Variants in ZNF469 observed in about 807,000 individuals in gnomAD.
ZNF469 encodes the protein zinc finger protein 469.
ZNF469 carries 1 observed loss-of-function variant against 1.0 expected under a neutral mutation model. The observed-to-expected ratio is 1.00, with a 90% CI of 0.35 to 4.73. The LOEUF (loss-of-function observed/expected upper bound fraction) is 4.73. Among genes scored for constraint, ZNF469 ranks in the 30% most tolerant of loss-of-function variants. ZNF469 has a pLI of 0.16. For synonymous variants in ZNF469, 2,703 were observed against 2,363.4 expected (o/e 1.14, Z -4.17); for missense variants, 6,100 against 5,356.3 (o/e 1.14, Z -4.33).
At chr16:88,239,662 TTTTTG>T in the ZNF469 span, among the ~76,000 whole-genome samples, 262 of 95,304 alleles carry the variant, frequency 2.7e-3, 3 homozygotes, top group African/African-American at 9.7e-3. Context: ...TTATTTTTTT[TTTTTG>T]TATATATATA....
rs1476031705 is a variant in ZNF469 at position 88,433,830 on chromosome 16, C to T, written c.6360C>T (p.Ala2120=). 7.1e-6 allele frequency: 11 copies of T among 1,549,752 alleles called. No individual in the cohort carries two copies. The highest frequency in any genetic ancestry group is 1.4e-5 in the African/African-American group (1 of 73,036). The change falls in exon 3 of 3, where the codon GCC becomes GCT. Residue 2120 remains alanine (A), a synonymous_variant. Transcript: ENST00000565624. ...LAACAPSPTS[A]AHMPCSLGPL... ...CCTGCGCCCCCTCACCCACTTCAGCCGCCCACATGCCCTGCAGCCTTGGGC... is the reference window on the plus strand; with the variant it reads ...CCTGCGCCCCCTCACCCACTTCAGCTGCCCACATGCCCTGCAGCCTTGGGC...
At chr16:88,397,635 G>GATT (rs1567500441) in intron 1 of ZNF469, among the ~76,000 whole-genome samples, 2,703 of 88,224 alleles carry the variant, frequency 0.031, 35 homozygotes, top group African/African-American at 0.048. Flanking sequence ...ATGGATGGAT[G>GATT]GATGGATGGA....
intron 1 of ZNF469, among the ~76,000 whole-genome samples, chr16:88,391,927 A>G (rs1291928630): frequency 6.6e-6 from 1 of 152,248 alleles, no homozygotes; most frequent in Non-Finnish European, 1.5e-5. Context: ...AATAAAGTAT[A>G]ATGTAATCTA....
the ZNF469 span, among the ~76,000 whole-genome samples, chr16:88,332,550 G>C: frequency 1.1e-4 from 17 of 152,380 alleles, no homozygotes; most frequent in Admixed American, 8.5e-4. Flanking sequence ...TGACTTGCAG[G>C]TTTGGGCCAT....
At chr16:88,310,440 G>A in the ZNF469 span, among the ~76,000 whole-genome samples, 2 of 152,078 alleles carry the variant, frequency 1.3e-5, no homozygotes, top group Non-Finnish European at 2.9e-5. Flanking sequence ...ACAGCCCTGC[G>A]TGCTGCCCCT....
At chr16:88,188,411 G>T in the ZNF469 span, among the ~76,000 whole-genome samples, 1 of 152,222 alleles carries the variant, frequency 6.6e-6, no homozygotes, top group African/African-American at 2.4e-5. Context: ...ACTGCTGCCT[G>T]GAGGGTTCTG....
the ZNF469 span, among the ~76,000 whole-genome samples, chr16:88,352,115 C>T: frequency 1.3e-5 from 2 of 152,182 alleles, no homozygotes; most frequent in African/African-American, 2.4e-5. Context: ...GTGCGAGGGG[C>T]TGGGGGCGGG....
chr16:88,144,485 C>T, the ZNF469 span, among the ~76,000 whole-genome samples: 3 of 152,206 alleles, frequency 2.0e-5, no homozygotes, highest in Non-Finnish European at 4.4e-5. Context: ...CCAGCCACCC[C>T]AGCCCGTGAC....
Position 88,429,432 on chromosome 16 carries a change from C to T in ZNF469, c.1962C>T (p.Pro654=), listed in dbSNP as rs999240777. The T allele has an allele frequency of 2.6e-6, 4 of 1,542,666 alleles. No homozygotes were observed. The highest frequency in any genetic ancestry group is 2.7e-5 in the African/African-American group (2 of 72,886). Residue 654 remains proline, a synonymous_variant, in exon 3 of 3, where the codon CCC becomes CCT. Coordinates refer to ENST00000565624, the MANE Select transcript of ZNF469 (RefSeq NM_001367624.2). ...TGSPFPSPEP[P]HSLPTHYQPE... ...GCCCCTTCCCGTCCCCGGAGCCCCC[C>T]CACTCCCTCCCCACCCACTACCAGC...
chr16:88,430,400 G>T lies in ZNF469; in HGVS notation c.2930G>T (p.Gly977Val). ...TCGGGCGGCGGCGGCAGAGCCTCCG[G>T]CCTGAGGCCCCGGAGGAACGACGGT... ...SGSGGGGRAS[G>V]LRPRRNDGLG... Residue 977 changes from glycine to valine, a missense_variant, in exon 3 of 3, where the codon GGC becomes GTC. Physicochemically the swap from Gly to Val is moderately radical, Grantham distance 109. Coordinates refer to ENST00000565624, the MANE Select transcript of ZNF469 (RefSeq NM_001367624.2). 2.6e-6 allele frequency: 4 copies of T among 1,520,734 alleles called. No homozygotes were observed. The highest frequency in any genetic ancestry group is 2.6e-6 in the Non-Finnish European group (3 of 1,138,412). 94.2% of individuals were successfully genotyped at this position (1,520,734 alleles called of 1,614,324 possible).
At chr16:88,354,006 G>A in the ZNF469 span, among the ~76,000 whole-genome samples, 19,942 of 152,192 alleles carry the variant, frequency 0.13, 1,867 homozygotes, top group African/African-American at 0.26. Flanking sequence ...CTACCTGCTC[G>A]TGGCTGCCCC....
At chr16:88,231,733 TG>T in the ZNF469 span, among the ~76,000 whole-genome samples, 3 of 152,064 alleles carry the variant, frequency 2.0e-5, no homozygotes, top group Non-Finnish European at 2.9e-5. The surrounding 1 kb of genome is among the most constrained non-coding windows in gnomAD (Gnocchi z 4.5). Context: ...TCAAGGACCC[TG>T]GGATGACACT....
In ZNF469 at chr16:88,438,883, C is replaced by T; in HGVS notation, c.11413C>T (p.Leu3805=). Reference sequence around the variant, plus strand: ...TGGTGAGCAGGGGCCCCACGGGAGCCTAGGTCCCAAGGAGAAGGGAGAGAG... The same window carrying T: ...TGGTGAGCAGGGGCCCCACGGGAGCTTAGGTCCCAAGGAGAAGGGAGAGAG... The part of the protein sequence containing the change: ...EAGEQGPHGS[L]GPKEKGESST... Residue 3805 remains leucine, a synonymous_variant, in exon 3 of 3, where the codon CTA becomes TTA. Transcript: ENST00000565624. The T allele has an allele frequency of 6.4e-7, 1 of 1,550,498 alleles. No individual in the cohort carries two copies. The highest frequency in any genetic ancestry group is 2.4e-5 in the East Asian group (1 of 40,912).
upstream of ZNF469, among the ~76,000 whole-genome samples, chr16:88,381,240 A>G (rs1265581890): frequency 1.4e-5 from 2 of 147,598 alleles, no homozygotes; most frequent in African/African-American, 2.5e-5. Flanking sequence ...ACACGCACTC[A>G]CAGACATGCA....
chr16:88,220,752 C>A, the ZNF469 span, among the ~76,000 whole-genome samples: 21,877 of 151,966 alleles, frequency 0.14, 1,723 homozygotes, highest in East Asian at 0.3. Context: ...CTCTGAGCCA[C>A]CGTATAGCAC....
the ZNF469 span, among the ~76,000 whole-genome samples, chr16:88,126,191 A>ACC: frequency 6.8e-6 from 1 of 146,130 alleles, no homozygotes; most frequent in African/African-American, 2.5e-5. Context: ...TCCATCCCAA[A>ACC]AAAAAAAAAA....
the ZNF469 span, among the ~76,000 whole-genome samples, chr16:88,161,950 A>T: frequency 6.6e-6 from 1 of 152,232 alleles, no homozygotes; most frequent in African/African-American, 2.4e-5. Flanking sequence ...CCGTTGAGAC[A>T]GCCTATGATT....
Position 88,436,692 on chromosome 16 carries a change from C to G in ZNF469, c.9222C>G (p.Ser3074Arg), listed in dbSNP as rs1273731497. The change falls in exon 3 of 3, where the codon AGC (serine) becomes AGG (arginine). Residue 3074 changes from serine (S) to arginine (R), a missense_variant. Transcript: ENST00000565624. ...ACCCCGTGGGTCTCCCCGGCCCCAG[C>G]TTCTTAGACTTCGAGGGCACGGCGA... Reference protein sequence around the residue: ...FEDPVGLPGPSFLDFEGTASS... With the variant: ...FEDPVGLPGPRFLDFEGTASS... 1 of 1,550,106 alleles carries G rather than the reference C, an allele frequency of 6.5e-7. No homozygotes were observed. The highest frequency in any genetic ancestry group is 1.7e-4 in the Middle Eastern group (1 of 5,988).
At chr16:88,208,775 G>A in the ZNF469 span, among the ~76,000 whole-genome samples, 53 of 47,436 alleles carry the variant, frequency 1.1e-3, no homozygotes, top group South Asian at 7.8e-3. Context: ...ATGCGCGTGC[G>A]CGCGCACACA....
Sources: allele counts gnomAD v4.1 joint callset (sites outside exome capture counted in the v4.1 genomes callset), GRCh38; gene constraint gnomAD v4.1.1; non-coding constraint Gnocchi (gnomAD v3.1); transcripts MANE v1.5; gene names NCBI Gene and HGNC (gene_info 2026-07-23, HGNC 2026-07-21).